The following SPOCK3 variants were observed in gnomAD, a reference collection of about 807,000 sequenced individuals.
The protein encoded by SPOCK3 is SPARC (osteonectin), cwcv and kazal like domains proteoglycan 3.
In SPOCK3, 30 loss-of-function variants were observed where a neutral mutation model predicts 56.6. That is an observed-to-expected ratio of 0.53 (90% CI 0.40 to 0.72). The LOEUF is 0.72. SPOCK3 is among the 30% of genes least tolerant of loss of function. SPOCK3 has a pLI of 0.00. For synonymous variants in SPOCK3, 196 were observed against 183.3 expected, an observed-to-expected ratio of 1.07 and a Z score of -0.56; for missense variants, 527 against 530.0, an observed-to-expected ratio of 0.99 and a Z score of 0.06.
chr4:167,021,727 T>G (rs1751199975), intron 3 of SPOCK3, among the ~76,000 whole-genome samples: 1 of 151,740 alleles, frequency 6.6e-6, no homozygotes, highest in Non-Finnish European at 1.5e-5. Flanking sequence ...AAAAAAAAGG[T>G]CAAACGGCCA....
chr4:167,128,692 C>A (rs1409666098), intron 2 of SPOCK3, among the ~76,000 whole-genome samples: 1 of 152,162 alleles, frequency 6.6e-6, no homozygotes, highest in Non-Finnish European at 1.5e-5. Context: ...GTGATACCTG[C>A]CACCACAGAT....
At chr4:166,797,967 T>C (rs1420926815) in intron 6 of SPOCK3, among the ~76,000 whole-genome samples, 1 of 152,150 alleles carries the variant, frequency 6.6e-6, no homozygotes, top group Non-Finnish European at 1.5e-5. Context: ...GAACATCATA[T>C]ACAATGTTGC....
chr4:166,984,680 T>C (rs1160424924), intron 4 of SPOCK3, among the ~76,000 whole-genome samples: 2 of 152,064 alleles, frequency 1.3e-5, no homozygotes, highest in African/African-American at 2.4e-5. Flanking sequence ...TCAAGGTGCA[T>C]ACATGTCCTG....
At chr4:166,931,136 C>G (rs1408217719) in intron 4 of SPOCK3, among the ~76,000 whole-genome samples, 1 of 152,158 alleles carries the variant, frequency 6.6e-6, no homozygotes, top group Admixed American at 6.5e-5. Context: ...CGCCCGCCAC[C>G]ACGCCCAGCT....
intron 2 of SPOCK3, among the ~76,000 whole-genome samples, chr4:167,092,166 C>T (rs1450672940): frequency 1.3e-5 from 2 of 152,046 alleles, no homozygotes; most frequent in Non-Finnish European, 2.9e-5. Flanking sequence ...GGTGGGGTGT[C>T]GCCTCACCCA....
At chr4:166,989,937 T>A (rs1336677595) in intron 4 of SPOCK3, among the ~76,000 whole-genome samples, 1 of 152,196 alleles carries the variant, frequency 6.6e-6, no homozygotes, top group Admixed American at 6.6e-5. Flanking sequence ...GATCTCAGAA[T>A]TATCTGCTTC....
chr4:166,959,671 C>A (rs1743918615), intron 4 of SPOCK3, among the ~76,000 whole-genome samples: 1 of 151,278 alleles, frequency 6.6e-6, no homozygotes, highest in Admixed American at 6.6e-5. Flanking sequence ...GAGAGAAACA[C>A]AACTGGAAAA....
chr4:167,111,941 G>T (rs1760938205), intron 2 of SPOCK3, among the ~76,000 whole-genome samples: 1 of 151,760 alleles, frequency 6.6e-6, no homozygotes, highest in African/African-American at 2.4e-5. Context: ...TCTATTTTTT[G>T]TAGAGATGAG....
At chr4:166,947,429 A>G (rs1274506521) in intron 4 of SPOCK3, among the ~76,000 whole-genome samples, 1 of 152,172 alleles carries the variant, frequency 6.6e-6, no homozygotes, top group African/African-American at 2.4e-5. Flanking sequence ...CGCTGTGCAG[A>G]ACTTTGTTTA....
chr4:167,170,908 T>C (rs1730444473), intron 2 of SPOCK3, among the ~76,000 whole-genome samples: 1 of 152,094 alleles, frequency 6.6e-6, no homozygotes, highest in Non-Finnish European at 1.5e-5. Context: ...GGTCCCTGAC[T>C]TACAGCTGAA....
At chr4:167,180,474 G>A (rs1043405096) in intron 2 of SPOCK3, among the ~76,000 whole-genome samples, 6 of 152,160 alleles carry the variant, frequency 3.9e-5, no homozygotes, top group Admixed American at 2.0e-4. Flanking sequence ...CATTACCCGT[G>A]AGGAGAAAGG....
chr4:166,990,452 A>G (rs1747658935), intron 4 of SPOCK3, among the ~76,000 whole-genome samples: 1 of 152,118 alleles, frequency 6.6e-6, no homozygotes, highest in African/African-American at 2.4e-5. Flanking sequence ...AAAATAGTAA[A>G]ATAAAGCAAG....
intron 6 of SPOCK3, among the ~76,000 whole-genome samples, chr4:166,855,364 C>T (rs1466162759): frequency 6.6e-6 from 1 of 150,618 alleles, no homozygotes; most frequent in Non-Finnish European, 1.5e-5. Context: ...GAGAAATAGC[C>T]ACCTACAGAG....
At chr4:167,087,721 A>G (rs1175156805) in intron 2 of SPOCK3, among the ~76,000 whole-genome samples, 1 of 152,174 alleles carries the variant, frequency 6.6e-6, no homozygotes, top group Non-Finnish European at 1.5e-5. Flanking sequence ...AAACACCATT[A>G]TTGACATGGA....
chr4:166,948,627 AT>A (rs1423596567), intron 4 of SPOCK3, among the ~76,000 whole-genome samples: 2 of 151,958 alleles, frequency 1.3e-5, no homozygotes, highest in South Asian at 2.1e-4. Flanking sequence ...TATGTTGGGC[AT>A]TTTTTTCATA....
chr4:166,919,631 T>C (rs1381623780), intron 4 of SPOCK3, among the ~76,000 whole-genome samples: 1 of 152,182 alleles, frequency 6.6e-6, no homozygotes, highest in Non-Finnish European at 1.5e-5. Flanking sequence ...CTATTTCAAT[T>C]ACTAAAAACC....
intron 3 of SPOCK3, among the ~76,000 whole-genome samples, chr4:167,025,505 C>T (rs779661687): frequency 2.6e-5 from 4 of 151,872 alleles, no homozygotes; most frequent in African/African-American, 4.8e-5. Context: ...ATATGTATAA[C>T]GATATTAACC....
At chr4:166,989,887 A>T (rs1295810733) in intron 4 of SPOCK3, among the ~76,000 whole-genome samples, 2 of 152,216 alleles carry the variant, frequency 1.3e-5, no homozygotes, top group African/African-American at 4.8e-5. Context: ...GTGATTCTGG[A>T]AATAAATTTC....
At chr4:166,785,961 A>G (rs1740687008) in intron 7 of SPOCK3, among the ~76,000 whole-genome samples, 1 of 152,214 alleles carries the variant, frequency 6.6e-6, no homozygotes. Context: ...CAGGTTCTAC[A>G]GTGGAAAACT....
Sources: allele counts gnomAD v4.1 joint callset (sites outside exome capture counted in the v4.1 genomes callset), GRCh38; gene constraint gnomAD v4.1.1; transcripts MANE v1.5; gene names NCBI Gene and HGNC (gene_info 2026-07-23, HGNC 2026-07-21).